CSMD1: variants seen among roughly 807,000 people sequenced by gnomAD.
CSMD1 encodes CUB and sushi domain-containing protein 1.
CSMD1 carries 213 observed loss-of-function variants against 417.5 expected under a neutral mutation model. The observed-to-expected ratio is 0.51, with a 90% CI of 0.46 to 0.57. CSMD1 has a LOEUF of 0.57. Among genes scored for constraint, CSMD1 ranks in the 20% least tolerant of loss-of-function variants. The pLI, the probability that CSMD1 is intolerant of heterozygous loss-of-function variation, is 0.00. For synonymous variants in CSMD1, 2,862 were observed against 1,736.8 expected, an observed-to-expected ratio of 1.65 and a Z score of -16.11; for missense variants, 6,923 against 4,529.7, an observed-to-expected ratio of 1.53 and a Z score of -15.17.
rs1027521187 is a variant in CSMD1 at position 3,442,448 on chromosome 8, C to A, written c.1561+26264G>T. ...ATACAGATGTCCCACTTTTTTATCT[C>A]TTATACAGTGTTTTTACTGTACCTT... On this transcript the variant is annotated intron_variant, in intron 12 of 69. Coordinates refer to ENST00000635120, the MANE Select transcript of CSMD1 (RefSeq NM_033225.6). 2.0e-5 allele frequency among the ~76,000 whole-genome samples: 3 copies of A among 152,196 alleles called. No homozygotes were observed. In the South Asian group the frequency reaches 6.2e-4, roughly 32 times the overall value.
chr8:4,575,780 G>A (rs931978908), intron 2 of CSMD1, among the ~76,000 whole-genome samples: 3 of 152,146 alleles, frequency 2.0e-5, no homozygotes, highest in Non-Finnish European at 2.9e-5. Flanking sequence ...ATCAACAATT[G>A]CTGGTCTCAT....
At chr8:3,727,274 T>C (rs1333242279) in intron 6 of CSMD1, among the ~76,000 whole-genome samples, 1 of 152,242 alleles carries the variant, frequency 6.6e-6, no homozygotes, top group African/African-American at 2.4e-5. Context: ...TAATTCTACA[T>C]ACACATACCT....
chr8:4,314,577 C>G (rs937572889), intron 3 of CSMD1, among the ~76,000 whole-genome samples: 27 of 148,922 alleles, frequency 1.8e-4, no homozygotes, highest in African/African-American at 6.0e-4. Flanking sequence ...ATCACTTTTA[C>G]TTATGCTACT....
intron 3 of CSMD1, among the ~76,000 whole-genome samples, chr8:4,109,448 T>A (rs1801738531): frequency 6.6e-6 from 1 of 152,160 alleles, no homozygotes; most frequent in Non-Finnish European, 1.5e-5. Flanking sequence ...GGGAATTGAG[T>A]ACCACACCAC....
chr8:4,571,006 T>A (rs1196071637), intron 2 of CSMD1, among the ~76,000 whole-genome samples: 1 of 152,172 alleles, frequency 6.6e-6, no homozygotes, highest in Admixed American at 6.6e-5. Flanking sequence ...ATCTTTTTTT[T>A]ATCATGTCTA....
At chr8:3,328,644 C>A (rs1370822927) in intron 23 of CSMD1, among the ~76,000 whole-genome samples, 1 of 152,156 alleles carries the variant, frequency 6.6e-6, no homozygotes, top group Non-Finnish European at 1.5e-5. Context: ...ATCCTGTTAT[C>A]ATATCCACGG....
intron 5 of CSMD1, among the ~76,000 whole-genome samples, chr8:3,919,293 C>G (rs1440736239): frequency 6.6e-6 from 1 of 151,362 alleles, no homozygotes; most frequent in Non-Finnish European, 1.5e-5. Context: ...GGGTATCGCA[C>G]TGAAGTCCTT....
chr8:4,922,204 ATGTC>A (rs778029327), intron 1 of CSMD1, among the ~76,000 whole-genome samples: 1 of 152,042 alleles, frequency 6.6e-6, no homozygotes, highest in African/African-American at 2.4e-5. Context: ...GTGTGCGTGC[ATGTC>A]TGTCTGTGTT....
At chr8:3,742,109 C>T (rs1796836977) in intron 6 of CSMD1, among the ~76,000 whole-genome samples, 1 of 152,068 alleles carries the variant, frequency 6.6e-6, no homozygotes, top group South Asian at 2.1e-4. Context: ...GATGAGGAAT[C>T]CTGTCCATCA....
At chr8:4,032,862 C>G (rs966799173) in intron 3 of CSMD1, among the ~76,000 whole-genome samples, 2 of 152,104 alleles carry the variant, frequency 1.3e-5, no homozygotes, top group African/African-American at 2.4e-5. Context: ...CAAAGTTAAT[C>G]TGAAAAACTA....
At chr8:3,313,196 G>T (rs960281481) in intron 23 of CSMD1, among the ~76,000 whole-genome samples, 2 of 152,096 alleles carry the variant, frequency 1.3e-5, no homozygotes, top group Non-Finnish European at 2.9e-5. Flanking sequence ...TACCATTCAG[G>T]ACATAGGCAT....
intron 2 of CSMD1, among the ~76,000 whole-genome samples, chr8:4,559,796 A>T (rs533371120): frequency 6.6e-6 from 1 of 152,358 alleles, no homozygotes; most frequent in African/African-American, 2.4e-5. Flanking sequence ...TCCACCTGAG[A>T]CACACGTCAT....
chr8:4,861,316 AT>A (rs1802117108), intron 1 of CSMD1, among the ~76,000 whole-genome samples: 1 of 152,120 alleles, frequency 6.6e-6, no homozygotes, highest in South Asian at 2.1e-4. Context: ...TTACATCCAT[AT>A]CAAACAAAAA....
intron 3 of CSMD1, among the ~76,000 whole-genome samples, chr8:4,149,439 A>G (rs1796451902): frequency 6.6e-6 from 1 of 152,208 alleles, no homozygotes; most frequent in African/African-American, 2.4e-5. Flanking sequence ...GTATTTCTAC[A>G]TAAGGGCCAA....
chr8:3,723,482 T>C (rs2720804), intron 6 of CSMD1, among the ~76,000 whole-genome samples: 144,747 of 152,272 alleles, frequency 0.95, 69,244 homozygotes, highest in East Asian at 1. Context: ...TCCTGTGTAT[T>C]CTCTTCAGAT....
At chr8:3,818,652 C>T (rs549995533) in intron 5 of CSMD1, among the ~76,000 whole-genome samples, 47 of 152,248 alleles carry the variant, frequency 3.1e-4, no homozygotes, top group African/African-American at 1.0e-3. Flanking sequence ...TGCCCGGCAT[C>T]GTCTGATGAC....
intron 1 of CSMD1, among the ~76,000 whole-genome samples, chr8:4,938,639 G>T (rs938276108): frequency 1.3e-5 from 2 of 152,108 alleles, no homozygotes. Context: ...TAAACACGTA[G>T]CTGTAATCAG....
intron 1 of CSMD1, among the ~76,000 whole-genome samples, chr8:4,829,745 A>T (rs982409723): frequency 1.3e-5 from 2 of 151,942 alleles, no homozygotes; most frequent in African/African-American, 4.8e-5. Context: ...CTCAAAAAAA[A>T]AAAAAAAAAA....
At chr8:3,474,966 G>GC (rs1817322867) in intron 11 of CSMD1, among the ~76,000 whole-genome samples, 2 of 151,636 alleles carry the variant, frequency 1.3e-5, no homozygotes, top group Non-Finnish European at 2.9e-5. Context: ...TGCCTTTTTT[G>GC]CCCCCAAGCC....
Sources: gnomAD v4.1 joint callset for allele counts (sites outside exome capture counted in the v4.1 genomes callset) on GRCh38, gnomAD v4.1.1 for gene constraint, MANE v1.5 for transcripts, NCBI Gene and HGNC (gene_info 2026-07-23, HGNC 2026-07-21) for gene names.